SIM1: variants seen among roughly 807,000 people sequenced by gnomAD.
SIM1 encodes SIM bHLH transcription factor 1, also known as single-minded homolog 1.
A neutral mutation model predicts 78.2 loss-of-function variants in SIM1; 18 were observed. The ratio of observed to expected loss-of-function variants is 0.23; its 90% CI spans 0.16 to 0.34. The LOEUF is 0.34. Ranked by LOEUF, SIM1 falls within the 10% of genes least tolerant of loss-of-function variation. The pLI is 1.00. For missense variants in SIM1, 939 were observed against 975.1 expected (o/e 0.96, Z 0.49); for synonymous variants, 417 against 385.2 (o/e 1.08, Z -0.97).
At chr6:100,417,029 C>T (rs1771420629) in intron 10 of SIM1, among the ~76,000 whole-genome samples, 1 of 151,792 alleles carries the variant, frequency 6.6e-6, no homozygotes, top group Non-Finnish European at 1.5e-5. Context: ...ATAGTTGGTA[C>T]CAATCTATGT....
At chr6:100,451,748 GC>G (rs1475551491) in intron 3 of SIM1, among the ~76,000 whole-genome samples, 3 of 152,140 alleles carry the variant, frequency 2.0e-5, no homozygotes, top group South Asian at 2.1e-4. Context: ...TTCAGTGAAG[GC>G]ACTAAGCAGA....
intron 10 of SIM1, among the ~76,000 whole-genome samples, chr6:100,400,763 G>A (rs555955963): frequency 2.6e-5 from 4 of 152,194 alleles, no homozygotes; most frequent in South Asian, 2.1e-4. Flanking sequence ...GCTAATAAAC[G>A]GGGAAACATA....
chr6:100,402,745 T>C (rs2114477247), intron 10 of SIM1, among the ~76,000 whole-genome samples: 1 of 151,986 alleles, frequency 6.6e-6, no homozygotes, highest in South Asian at 2.1e-4. Flanking sequence ...GCCTGGCTAA[T>C]TTTTTGTATT....
intron 9 of SIM1, among the ~76,000 whole-genome samples, chr6:100,446,179 C>T (rs968082103): frequency 1.3e-5 from 2 of 152,110 alleles, no homozygotes; most frequent in Non-Finnish European, 2.9e-5. Flanking sequence ...AGTCTCACTG[C>T]CAAGCATAAT....
Position 100,449,612 on chromosome 6 carries a change from A to G in SIM1, c.436T>C (p.Tyr146His). ...MTAVLTAHQP[Y>H]HSHFVQEYEI... The stretch of plus-strand genomic sequence containing the variant: ...TTACCCTGCACGAAGTGAGAGTGGT[A>G]GGGTTGATGGGCGGTGAGCACCGCC... The change falls in exon 5 of 12, where the codon TAC becomes CAC. Residue 146 changes from tyrosine (Y) to histidine (H), a missense_variant. Physicochemically the swap from Tyr to His is moderately conservative, Grantham distance 83 (BLOSUM62 2). Around this residue, in one of 5 missense-constraint regions of SIM1, gnomAD observed 187 missense variants for 191.6 expected, o/e 0.98. Transcript: ENST00000369208. 5 of 1,614,022 alleles carry G rather than the reference A, an allele frequency of 3.1e-6. No individual in the cohort carries two copies. The highest frequency in any genetic ancestry group is 2.2e-5 in the East Asian group (1 of 44,886).
intron 10 of SIM1, among the ~76,000 whole-genome samples, chr6:100,414,034 C>A (rs1397800827): frequency 1.3e-5 from 2 of 152,016 alleles, no homozygotes; most frequent in Non-Finnish European, 2.9e-5. Flanking sequence ...CTCCTGAGAC[C>A]CAGGATAGAA....
At chr6:100,440,836 A>T (rs1334066044) in intron 9 of SIM1, among the ~76,000 whole-genome samples, 1 of 152,178 alleles carries the variant, frequency 6.6e-6, no homozygotes, top group African/African-American at 2.4e-5. Flanking sequence ...AATTATGAAG[A>T]TATGTATAAT....
At chr6:100,462,103 G>C (rs1772871772) in intron 2 of SIM1, among the ~76,000 whole-genome samples, 1 of 152,016 alleles carries the variant, frequency 6.6e-6, no homozygotes, top group South Asian at 2.1e-4. Flanking sequence ...TCATGATCAA[G>C]CAAAGTGAAA....
At chr6:100,432,536 C>A (rs1489410329) in intron 9 of SIM1, among the ~76,000 whole-genome samples, 1 of 152,134 alleles carries the variant, frequency 6.6e-6, no homozygotes, top group African/African-American at 2.4e-5. Context: ...AAGCTTCACA[C>A]TTTCCCCAAG....
chr6:100,441,594 A>T (rs1220613274), intron 9 of SIM1, among the ~76,000 whole-genome samples: 1 of 152,206 alleles, frequency 6.6e-6, no homozygotes, highest in Non-Finnish European at 1.5e-5. Context: ...ATAATTAGTA[A>T]TAGCAATAAT....
At chr6:100,426,572 T>C (rs1771736446) in intron 9 of SIM1, among the ~76,000 whole-genome samples, 1 of 152,208 alleles carries the variant, frequency 6.6e-6, no homozygotes, top group Non-Finnish European at 1.5e-5. Context: ...TAACATTATT[T>C]CTATCATTTC....
intron 2 of SIM1, among the ~76,000 whole-genome samples, chr6:100,455,404 G>C (rs1772619859): frequency 6.6e-6 from 1 of 152,068 alleles, no homozygotes; most frequent in Non-Finnish European, 1.5e-5. Context: ...GTTCTGGAAG[G>C]GCCCCCGCCA....
At chr6:100,434,067 A>G (rs1771976311) in intron 9 of SIM1, among the ~76,000 whole-genome samples, 2 of 152,246 alleles carry the variant, frequency 1.3e-5, no homozygotes, top group Admixed American at 1.3e-4. Context: ...ACACAAATAG[A>G]AAAGAGATTA....
chr6:100,448,796 C>G (rs1034328970), intron 6 of SIM1, 118 bp from the exon 7 acceptor site: 6 of 851,496 alleles, frequency 7.0e-6, no homozygotes, highest in Admixed American at 2.7e-5. Flanking sequence ...GCTGACCACG[C>G]CCGTGCACTA....
intron 3 of SIM1, among the ~76,000 whole-genome samples, chr6:100,450,967 ATG>A: frequency 6.6e-6 from 1 of 152,192 alleles, no homozygotes; most frequent in East Asian, 1.9e-4. Flanking sequence ...CATAGGGTGT[ATG>A]TGTGTGTAAG....
intron 9 of SIM1, among the ~76,000 whole-genome samples, chr6:100,429,461 A>T (rs1486831603): frequency 6.6e-6 from 1 of 152,138 alleles, no homozygotes; most frequent in East Asian, 1.9e-4. Context: ...AAGAACCAAC[A>T]ATAATAGAAT....
At position 100,447,741 on chromosome 6, in the gene SIM1, C is replaced by A. The variant is rs1393659780; in HGVS notation, c.851-326G>T. On this transcript the variant is annotated intron_variant, in intron 8 of 11. Coordinates refer to ENST00000369208, the MANE Select transcript of SIM1 (RefSeq NM_005068.3). ...AAGTAAGGCTCTGGGCAGCTGAGCT[C>A]CGGCGCTCACGATCCCTGCCCGGGA... is the stretch of plus-strand genomic sequence containing the variant. 3.3e-5 allele frequency among the ~76,000 whole-genome samples: 5 copies of A among 152,334 alleles called. No individual in the cohort carries two copies. The East Asian group carries it at 7.7e-4, about 24-fold the overall frequency.
At chr6:100,393,183 T>C (rs913229082) in intron 11 of SIM1, among the ~76,000 whole-genome samples, 54 of 152,132 alleles carry the variant, frequency 3.5e-4, no homozygotes, top group African/African-American at 1.3e-3. Context: ...AAGAAAATAA[T>C]GTATGAGGAA....
At chr6:100,406,657 A>G (rs1209507422) in intron 10 of SIM1, among the ~76,000 whole-genome samples, 1 of 152,228 alleles carries the variant, frequency 6.6e-6, no homozygotes, top group East Asian at 1.9e-4. Flanking sequence ...ACTATATTAA[A>G]CAATATACAT....
Sources: gnomAD v4.1 joint callset for allele counts (sites outside exome capture counted in the v4.1 genomes callset) on GRCh38, gnomAD v4.1.1 for gene constraint, gnomAD v4.1.1 regional missense constraint, MANE v1.5 for transcripts, NCBI Gene and HGNC (gene_info 2026-07-23, HGNC 2026-07-21) for gene names.